The following NCOA1 variants were observed in gnomAD, a reference collection of about 807,000 sequenced individuals.
The protein encoded by NCOA1 is nuclear receptor coactivator 1, also known as Hin-2 protein.
NCOA1 carries 35 observed loss-of-function variants against 150.9 expected under a neutral mutation model. The ratio of observed to expected loss-of-function variants is 0.23; its 90% CI spans 0.18 to 0.31. The LOEUF (loss-of-function observed/expected upper bound fraction) is 0.31, where lower values mean the gene tolerates loss of function less well. NCOA1 is among the 10% of genes least tolerant of loss of function. The probability of loss-of-function intolerance (pLI) is 1.00; values close to 1 mark genes in which losing one functional copy is unlikely to be tolerated. For missense variants in NCOA1, 1,491 were observed against 1,749.3 expected, an observed-to-expected ratio of 0.85 and a Z score of 2.63; for synonymous variants, 590 against 630.0, an observed-to-expected ratio of 0.94 and a Z score of 0.95.
At chr2:24,729,898 T>G (rs1662904569) in intron 17 of NCOA1, 83 bp downstream of exon 17, 2 of 1,418,968 alleles carry the variant, frequency 1.4e-6, no homozygotes, top group Non-Finnish European at 1.9e-6. Flanking sequence ...GTGGCTAGTG[T>G]GCAGTAGTGC....
At chr2:24,683,377 A>G (rs1255014631) in intron 8 of NCOA1, among the ~76,000 whole-genome samples, 3 of 152,058 alleles carry the variant, frequency 2.0e-5, no homozygotes, top group Non-Finnish European at 4.4e-5. Context: ...TTCAATTTTG[A>G]TTATGTTCAA....
At chr2:24,520,375 T>C (rs1664369621) in intron 1 of NCOA1, among the ~76,000 whole-genome samples, 1 of 152,218 alleles carries the variant, frequency 6.6e-6, no homozygotes, top group South Asian at 2.1e-4. Flanking sequence ...GGTAAATGGA[T>C]AGATGTGGTA....
rs1250430024 is a variant in NCOA1 at position 24,556,851 on chromosome 2, TTTC to T, written c.-395-7438_-395-7436del. ...CCCAAAGACCTAGAACCAGAAATTT[TTTC>T]TTCTTTTCTTGCCTTGTATTGAATT... On this transcript the variant is annotated intron_variant, in intron 1 of 22. Transcript: ENST00000348332. 2.0e-5 allele frequency among the ~76,000 whole-genome samples: 3 copies of T among 152,166 alleles called. No homozygotes were observed. The East Asian group carries it at 5.8e-4, about 29-fold the overall frequency.
rs1422652020 is a variant in NCOA1 at position 24,705,251 on chromosome 2, A to T, written c.1097+18A>T. On this transcript the variant is annotated intron_variant, in intron 12 of 22. Transcript: ENST00000348332. Reference sequence around the variant, plus strand: ...ATCGACAGGTACTACTTATTTGGAGAGCTTCATATGAAATAAGCCAGTTCA... The same window carrying T: ...ATCGACAGGTACTACTTATTTGGAGTGCTTCATATGAAATAAGCCAGTTCA... 1.9e-6 allele frequency: 3 copies of T among 1,611,426 alleles called. No individual in the cohort carries two copies. The highest frequency in any genetic ancestry group is 2.5e-6 in the Non-Finnish European group (3 of 1,177,886).
intron 1 of NCOA1, among the ~76,000 whole-genome samples, chr2:24,516,978 A>ATC (rs2148124418): frequency 2.6e-5 from 1 of 39,090 alleles, no homozygotes; most frequent in African/African-American, 5.1e-5. Context: ...ATATATACAC[A>ATC]TATACGTATA....
intron 1 of NCOA1, among the ~76,000 whole-genome samples, chr2:24,559,046 C>T (rs1572418387): frequency 6.6e-6 from 1 of 152,102 alleles, no homozygotes; most frequent in Admixed American, 6.6e-5. Context: ...AAAAACAACT[C>T]GCAACTTTGT....
At chr2:24,569,432 A>G (rs1198448363) in intron 2 of NCOA1, among the ~76,000 whole-genome samples, 2 of 152,074 alleles carry the variant, frequency 1.3e-5, no homozygotes, top group Non-Finnish European at 2.9e-5. Context: ...TATATTCATG[A>G]TATCATGAAT....
chr2:24,601,612 C>CTTTTTTTTTTTT (rs112063269), intron 3 of NCOA1, among the ~76,000 whole-genome samples: 1 of 131,984 alleles, frequency 7.6e-6, no homozygotes, highest in Non-Finnish European at 1.6e-5. Context: ...CTCCTTCCTC[C>CTTTTTTTTTTTT]TTTTTTTTTT....
At chr2:24,524,477 T>C (rs973823344) in intron 1 of NCOA1, among the ~76,000 whole-genome samples, 2 of 151,758 alleles carry the variant, frequency 1.3e-5, no homozygotes, top group African/African-American at 4.8e-5. Context: ...AATTATTTTG[T>C]AGAGATGGTG....
intron 1 of NCOA1, among the ~76,000 whole-genome samples, chr2:24,536,668 A>G (rs894299635): frequency 1.3e-5 from 2 of 152,086 alleles, no homozygotes; most frequent in Non-Finnish European, 2.9e-5. Flanking sequence ...TGTTGATGCT[A>G]TTCCTTTCTG....
chr2:24,741,613 G>A (rs553068785), intron 18 of NCOA1, among the ~76,000 whole-genome samples, 171 bp from the exon 19 acceptor site: 1 of 152,212 alleles, frequency 6.6e-6, no homozygotes. Flanking sequence ...TTTTTCTCCT[G>A]TGATTGTTAC....
At chr2:24,540,362 C>G (rs1252934262) in intron 1 of NCOA1, among the ~76,000 whole-genome samples, 2 of 151,896 alleles carry the variant, frequency 1.3e-5, no homozygotes, top group Admixed American at 6.6e-5. Context: ...AATTAGAGAT[C>G]TGGGGAATGA....
At chr2:24,639,910 G>GTA (rs1558864113) in intron 3 of NCOA1, among the ~76,000 whole-genome samples, 427 of 10,598 alleles carry the variant, frequency 0.04, 55 homozygotes, top group Admixed American at 0.079. Context: ...AAAAGTATGT[G>GTA]TGTGTGTATA....
rs369805759 is a variant in NCOA1, at chr2:24,697,837, T to A, written c.949+39T>A. Reference sequence around the variant, plus strand: ...TCTCAATTATTTTCATTAACCCTTATCTTTACTGATATTTGAATAGTTCGT... The same window carrying A: ...TCTCAATTATTTTCATTAACCCTTAACTTTACTGATATTTGAATAGTTCGT... On this transcript the variant is annotated intron_variant, in intron 11 of 22. Transcript: ENST00000348332. The A allele has an allele frequency of 8.7e-5, 136 of 1,566,658 alleles. 1 individual carries two copies. The highest frequency in any genetic ancestry group is 1.2e-4 in the Non-Finnish European group (133 of 1,141,460).
Position 24,752,087 on chromosome 2 carries a change from C to T in NCOA1, c.3812C>T (p.Thr1271Ile), listed in dbSNP as rs1664277717. 1 of 1,614,050 alleles carries T rather than the reference C, an allele frequency of 6.2e-7. No individual in the cohort carries two copies. Among genetic ancestry groups the T allele is most frequent in the Admixed American group, 1.7e-5 (1 of 59,998 alleles). The change falls in exon 20 of 23, where the codon ACT (threonine) becomes ATT (isoleucine). Residue 1271 changes from threonine (T) to isoleucine (I), a missense_variant. Physicochemically the swap from Thr to Ile is moderately conservative, Grantham distance 89 (BLOSUM62 -1). Transcript: ENST00000348332. ...CCTCAGAGTTCTCTTCTCCAGCAAA[C>T]TCCACCTGCCTCCGGGTATCAGTCA... is the stretch of plus-strand genomic sequence containing the variant. ...PPPQSSLLQQTPPASGYQSPD... is the reference protein window; with the variant it reads ...PPPQSSLLQQIPPASGYQSPD...
intron 1 of NCOA1, among the ~76,000 whole-genome samples, chr2:24,546,791 G>A (rs1216129417): frequency 6.6e-6 from 1 of 152,224 alleles, no homozygotes; most frequent in Non-Finnish European, 1.5e-5. Flanking sequence ...GGTGTGGGCT[G>A]GACAGTCTCA....
chr2:24,655,254 AT>A (rs1400986098), intron 4 of NCOA1, among the ~76,000 whole-genome samples: 3 of 152,104 alleles, frequency 2.0e-5, no homozygotes, highest in African/African-American at 7.2e-5. Flanking sequence ...TTTGTCTAAT[AT>A]TTACCTTTGC....
chr2:24,658,289 A>G (rs1671032041), intron 4 of NCOA1, among the ~76,000 whole-genome samples: 1 of 152,202 alleles, frequency 6.6e-6, no homozygotes. Flanking sequence ...AAATGCAAAG[A>G]ATAATTTCTC....
chr2:24,684,201 A>C (rs895156436), intron 8 of NCOA1, among the ~76,000 whole-genome samples: 2 of 152,146 alleles, frequency 1.3e-5, no homozygotes, highest in Non-Finnish European at 2.9e-5. Context: ...ACTGTTCACA[A>C]ATTTTGAGGA....
Sources: gnomAD v4.1 joint callset for allele counts (sites outside exome capture counted in the v4.1 genomes callset) on GRCh38, gnomAD v4.1.1 for gene constraint, MANE v1.5 for transcripts, NCBI Gene and HGNC (gene_info 2026-07-23, HGNC 2026-07-21) for gene names.